The following NCKAP5 variants were observed in gnomAD, a reference collection of about 807,000 sequenced individuals.
NCKAP5 encodes the protein nck-associated protein 5.
Under a neutral mutation model 167.0 loss-of-function variants are expected in NCKAP5, and 92 were observed. That is an observed-to-expected ratio of 0.55 (90% CI 0.47 to 0.66). NCKAP5 has a LOEUF of 0.66. NCKAP5 is among the 30% of genes least tolerant of loss of function. NCKAP5 has a pLI of 0.00. For synonymous variants in NCKAP5, 891 were observed against 877.4 expected, an observed-to-expected ratio of 1.02 and a Z score of -0.27; for missense variants, 2,378 against 2,315.0, an observed-to-expected ratio of 1.03 and a Z score of -0.56.
the NCKAP5 span, among the ~76,000 whole-genome samples, chr2:133,622,872 C>T: frequency 7.2e-5 from 11 of 152,110 alleles, no homozygotes; most frequent in East Asian, 1.9e-4. Context: ...AGGACAAATA[C>T]GGAGTCATCA....
At chr2:133,006,725 C>T (rs932998185) in intron 6 of NCKAP5, among the ~76,000 whole-genome samples, 3 of 151,868 alleles carry the variant, frequency 2.0e-5, no homozygotes, top group East Asian at 1.9e-4. Context: ...AGTAAGTAGC[C>T]GGTGTTAATC....
At chr2:132,947,395 T>C (rs1353624756) in intron 8 of NCKAP5, among the ~76,000 whole-genome samples, 1 of 152,158 alleles carries the variant, frequency 6.6e-6, no homozygotes, top group Non-Finnish European at 1.5e-5. Context: ...GTAAAATAAG[T>C]GAGTCTATCC....
chr2:132,906,692 C>A (rs932742972), intron 8 of NCKAP5, among the ~76,000 whole-genome samples: 1 of 152,112 alleles, frequency 6.6e-6, no homozygotes, highest in African/African-American at 2.4e-5. Flanking sequence ...AGATGTGGAG[C>A]AGAATGGAAA....
intron 16 of NCKAP5, among the ~76,000 whole-genome samples, chr2:132,768,449 G>A (rs1010968238): frequency 2.0e-5 from 3 of 152,108 alleles, no homozygotes; most frequent in Non-Finnish European, 2.9e-5. Context: ...TTAGATAGCA[G>A]GAAAGAATAA....
the NCKAP5 span, among the ~76,000 whole-genome samples, chr2:133,611,703 C>A: frequency 6.6e-6 from 1 of 152,182 alleles, no homozygotes; most frequent in Non-Finnish European, 1.5e-5. Context: ...CCTCTCCCTG[C>A]AGGCTCCCAC....
In NCKAP5 at chr2:133,273,795, T is replaced by A. The variant is rs2320847; in HGVS notation, c.143+29242A>T. On this transcript the variant is annotated intron_variant, in intron 4 of 19. Transcript: ENST00000409261. ...TTGGCCCTAGAAAAATCTATTAATT[T>A]CCAAAAAAAAATTTGGGGGAAGATA... Among the ~76,000 whole-genome samples the A allele has an allele frequency of 7.3e-3, 1,012 of 139,484 alleles. 14 individuals are homozygous for A. Among genetic ancestry groups the A allele is most frequent in the African/African-American group, 0.024 (944 of 38,626 alleles). 91.5% of individuals were successfully genotyped at this position (139,484 alleles called of 152,430 possible). A position where few individuals can be genotyped will look rare whatever the true frequency, so the allele number is the denominator to read the frequency against.
chr2:132,949,003 TGAAAA>T (rs11275092), intron 8 of NCKAP5, among the ~76,000 whole-genome samples: 47,739 of 128,352 alleles, frequency 0.37, 9,908 homozygotes, highest in Non-Finnish European at 0.46. Flanking sequence ...TCCAGAGAAA[TGAAAA>T]GAAAAGAAAA....
At chr2:133,000,873 C>A (rs1453253190) in intron 6 of NCKAP5, among the ~76,000 whole-genome samples, 1 of 152,126 alleles carries the variant, frequency 6.6e-6, no homozygotes, top group African/African-American at 2.4e-5. Context: ...AGAAGCCACA[C>A]ACAAAAGACA....
chr2:132,874,582 T>C (rs1044258248), intron 9 of NCKAP5, among the ~76,000 whole-genome samples: 1 of 152,180 alleles, frequency 6.6e-6, no homozygotes. Context: ...TTTGTCTATT[T>C]CTGAACTACA....
At chr2:133,199,940 A>C (rs1181152369) in intron 5 of NCKAP5, among the ~76,000 whole-genome samples, 1 of 151,982 alleles carries the variant, frequency 6.6e-6, no homozygotes, top group Non-Finnish European at 1.5e-5. Flanking sequence ...TGGAAGAATT[A>C]AGACACACAA....
At chr2:133,389,376 C>G (rs1687236567) in intron 3 of NCKAP5, among the ~76,000 whole-genome samples, 1 of 152,128 alleles carries the variant, frequency 6.6e-6, no homozygotes, top group Admixed American at 6.5e-5. Context: ...ACTGATTATC[C>G]CTCCCAAATG....
rs148426614 is a variant in NCKAP5, at chr2:133,226,944, T to C, written c.144-13165A>G. Among the ~76,000 whole-genome samples, 798 of 152,290 alleles carry C rather than the reference T, an allele frequency of 5.2e-3. 10 individuals are homozygous for C. Among genetic ancestry groups the C allele is most frequent in the Middle Eastern group, 0.031 (9 of 294 alleles). ...TATGTTTGTACATAATCCATCTCTATACAAATATACATATACACATAGCCT... is the reference window on the plus strand; with the variant it reads ...TATGTTTGTACATAATCCATCTCTACACAAATATACATATACACATAGCCT... On this transcript the variant is annotated intron_variant, in intron 4 of 19. Transcript: ENST00000409261.
chr2:133,058,875 A>T (rs1329911209), intron 6 of NCKAP5, among the ~76,000 whole-genome samples: 1 of 152,194 alleles, frequency 6.6e-6, no homozygotes. Context: ...GAGTCAACTG[A>T]TATAGCAAAC....
chr2:132,996,620 C>G (rs973772341), intron 6 of NCKAP5, among the ~76,000 whole-genome samples: 4 of 152,160 alleles, frequency 2.6e-5, no homozygotes, highest in African/African-American at 7.2e-5. Flanking sequence ...CTTTAATGCT[C>G]AAATATTTTG....
the NCKAP5 span, among the ~76,000 whole-genome samples, chr2:133,602,664 T>C: frequency 1.3e-5 from 2 of 152,192 alleles, no homozygotes; most frequent in East Asian, 1.9e-4. Flanking sequence ...TCTGCAGCAG[T>C]AGACAAATTC....
chr2:133,440,640 G>T (rs1690776767), intron 3 of NCKAP5, among the ~76,000 whole-genome samples: 1 of 149,730 alleles, frequency 6.7e-6, no homozygotes, highest in African/African-American at 2.5e-5. Context: ...AACCCAGGAG[G>T]CGGAGCTTGC....
intron 9 of NCKAP5, among the ~76,000 whole-genome samples, chr2:132,875,381 G>C (rs1023998042): frequency 6.6e-5 from 10 of 152,098 alleles, no homozygotes; most frequent in African/African-American, 2.4e-4. Context: ...TGCTCCTCCT[G>C]CCCTCTGGTG....
intron 3 of NCKAP5, among the ~76,000 whole-genome samples, chr2:133,320,703 G>A (rs187452584): frequency 6.6e-6 from 1 of 152,148 alleles, no homozygotes; most frequent in East Asian, 1.9e-4. Flanking sequence ...ACTCCAGCGA[G>A]ACTCTGTCTC....
intron 2 of NCKAP5, among the ~76,000 whole-genome samples, chr2:133,549,858 A>G (rs201377285): frequency 0.15 from 19,038 of 128,226 alleles, 21 homozygotes; most frequent in East Asian, 0.28. Flanking sequence ...AGCAAGACTA[A>G]TAAAGAAAAA....
Sources: gnomAD v4.1 joint callset for allele counts (sites outside exome capture counted in the v4.1 genomes callset) on GRCh38, gnomAD v4.1.1 for gene constraint, MANE v1.5 for transcripts, NCBI Gene and HGNC (gene_info 2026-07-23, HGNC 2026-07-21) for gene names.